The following TMC4 variants were observed in gnomAD, a reference collection of about 807,000 sequenced individuals.
TMC4 encodes voltage-gated chloride channel TMC4.
TMC4 carries 70 observed loss-of-function variants against 82.0 expected under a neutral mutation model. That is an observed-to-expected ratio of 0.85 (90% CI 0.70 to 1.04). The LOEUF (loss-of-function observed/expected upper bound fraction) is 1.04, where lower values mean the gene tolerates loss of function less well. TMC4 is among the 50% of genes least tolerant of loss of function. TMC4 has a pLI of 0.00. For missense variants in TMC4, 879 were observed against 899.0 expected (o/e 0.98, Z 0.28); for synonymous variants, 446 against 406.0 (o/e 1.10, Z -1.18).
Position 54,173,156 on chromosome 19 carries a change from A to G in TMC4, c.-39T>C, listed in dbSNP as rs1441647156. On this transcript the variant is annotated 5_prime_UTR_variant, in exon 1 of 15. Transcript: ENST00000619895. ...GCTGTCTCTAGTGGCCACCAGGCAG[A>G]CACTGCCCCAGGTAAGGGAGGGGCC... 1.9e-6 allele frequency: 3 copies of G among 1,599,260 alleles called. No individual in the cohort carries two copies. Among genetic ancestry groups the G allele is most frequent in the Non-Finnish European group, 2.6e-6 (3 of 1,168,022 alleles).
rs867026557 is a variant in TMC4 at position 54,161,167 on chromosome 19, C to T, written c.1780G>A (p.Ala594Thr). 1 of 1,592,028 alleles carries T rather than the reference C, an allele frequency of 6.3e-7. No individual in the cohort carries two copies. Among genetic ancestry groups the T allele is most frequent in the Non-Finnish European group, 8.5e-7 (1 of 1,171,106 alleles). Reference protein sequence around the residue: ...FFPLVLLLGLAISSVPLLYSI... With the variant: ...FFPLVLLLGLTISSVPLLYSI... Reference sequence around the variant, plus strand: ...TAAAGCAGGGGAACGCTGGAGATGGCCAGACCCAGGAGAAGGACCAAGGGG... The same window carrying T: ...TAAAGCAGGGGAACGCTGGAGATGGTCAGACCCAGGAGAAGGACCAAGGGG... Residue 594 changes from alanine (A) to threonine (T), a missense_variant, in exon 12 of 15, where the codon GCC (alanine) becomes ACC (threonine). Physicochemically the swap from Ala to Thr is moderately conservative, Grantham distance 58. Coordinates refer to ENST00000619895, the MANE Select transcript of TMC4 (RefSeq NM_144686.4).
intron 5 of TMC4, among the ~76,000 whole-genome samples, chr19:54,165,885 CAG>C (rs1372622933): frequency 6.6e-6 from 1 of 151,880 alleles, no homozygotes; most frequent in African/African-American, 2.4e-5. Flanking sequence ...CTGAGGAAGA[CAG>C]AGATGTGGAG....
At chr19:54,161,753 G>C (rs2075560704) in intron 11 of TMC4, among the ~76,000 whole-genome samples, 1 of 152,058 alleles carries the variant, frequency 6.6e-6, no homozygotes, top group South Asian at 2.1e-4. Flanking sequence ...TGTTAGCCAG[G>C]CTGGTCTCAA....
At chr19:54,162,386 T>TTGGGGGGGG in intron 10 of TMC4, 101 bp from the exon 11 acceptor site, 1 of 350,858 alleles carries the variant, frequency 2.9e-6, no homozygotes, top group Non-Finnish European at 4.9e-6. Context: ...TGCGTATTGG[T>TTGGGGGGGG]GGTGGGGGGG....
intron 2 of TMC4, among the ~76,000 whole-genome samples, chr19:54,171,131 TGGAGTCCCGCTCTATCACCCAGGCC>T (rs2075878124): frequency 3.4e-5 from 1 of 29,344 alleles, no homozygotes; most frequent in Admixed American, 4.1e-4. Context: ...ATATTTGAGA[TGGAGTCCCGCTCTATCACCCAGGCC>T]GGAGTCCAAT....
intron 10 of TMC4, 52 bp from the exon 11 acceptor site, chr19:54,162,337 T>C: frequency 7.7e-7 from 1 of 1,303,880 alleles, no homozygotes; most frequent in Non-Finnish European, 9.8e-7. Context: ...CGGCCTGGAG[T>C]TTCCACGCCT....
At position 54,168,682 on chromosome 19, in the gene TMC4, T is replaced by G. The variant is rs2075768564; in HGVS notation, c.443-2A>C. The G allele has an allele frequency of 6.6e-7, 1 of 1,520,766 alleles. No homozygotes were observed. The highest frequency in any genetic ancestry group is 1.3e-5 in the South Asian group (1 of 78,514). The allele number at this position is 1,520,766 out of a possible 1,614,324, so 94.2% of individuals were successfully genotyped here. A position where few individuals can be genotyped will look rare whatever the true frequency, so the allele number is the denominator to read the frequency against. ...ACTCCGTGCCGGCGCCAAACTGGCC[T>G]GCAGGGGGCAGCAGAGAGAGGCTCA... is the stretch of plus-strand genomic sequence containing the variant. On this transcript the variant is annotated splice_acceptor_variant, in intron 3 of 14. Transcript: ENST00000619895. LOFTEE classifies it high-confidence loss of function.
At position 54,163,974 on chromosome 19, in the gene TMC4, C is replaced by CT. The variant is rs1306733122; in HGVS notation, c.1114-88dup. 10,364 of 1,076,630 alleles carry CT rather than the reference C, an allele frequency of 9.6e-3. 207 individuals carry two copies. In the African/African-American group the frequency reaches 0.11, roughly 12 times the overall value. The allele number at this position is 1,076,630 out of a possible 1,614,324, so 66.7% of individuals were successfully genotyped here. The stretch of plus-strand genomic sequence containing the variant: ...CTCCCCCCGGCCTCTTCTTCTTCTT[C>CT]TTCTTTTTTTTTTTTTTTGAGACAG... On this transcript the variant is annotated intron_variant, in intron 7 of 14. Coordinates refer to ENST00000619895, the MANE Select transcript of TMC4 (RefSeq NM_144686.4).
At position 54,169,595 on chromosome 19, in the gene TMC4, C is replaced by G. The variant is rs773710360; in HGVS notation, c.359G>C (p.Arg120Pro). 1.2e-6 allele frequency: 2 copies of G among 1,613,972 alleles called. No homozygotes were observed. The highest frequency in any genetic ancestry group is 1.1e-5 in the South Asian group (1 of 91,082). The change falls in exon 3 of 15, where the codon CGG (arginine) becomes CCG (proline). Residue 120 changes from arginine (R) to proline (P), a missense_variant. Coordinates refer to ENST00000619895, the MANE Select transcript of TMC4 (RefSeq NM_144686.4). ...GSGTKTDRWA[R>P]LLRRSKEKTK... is the part of the protein sequence containing the mutation. ...TTTCTCCTTGGACCTCCGAAGTAGCCGCGCCCATCGGTCCGTCTTAGTTCC... is the reference window on the plus strand; with the variant it reads ...TTTCTCCTTGGACCTCCGAAGTAGCGGCGCCCATCGGTCCGTCTTAGTTCC...
rs550033169 is a variant in TMC4, at chr19:54,168,269, G to C, written c.699C>G (p.Leu233=). The C allele has an allele frequency of 1.9e-6, 3 of 1,556,282 alleles. No homozygotes were observed. The highest frequency in any genetic ancestry group is 2.6e-6 in the Non-Finnish European group (3 of 1,149,410). The change falls in exon 5 of 15, where the codon CTC becomes CTG. Residue 233 remains leucine (L), a synonymous_variant. Transcript: ENST00000619895. The part of the protein sequence containing the change: ...SGEGYLEWSP[L]FYGFYPPRPR... ...GGCGGGGCGGGTAGAAGCCATAGAAGAGAGGGGACCATTCCAGGTAACCCT... is the reference window on the plus strand; with the variant it reads ...GGCGGGGCGGGTAGAAGCCATAGAACAGAGGGGACCATTCCAGGTAACCCT...
At chr19:54,163,678 C>A in intron 8 of TMC4, 46 bp downstream of exon 8, 1 of 1,607,432 alleles carries the variant, frequency 6.2e-7, no homozygotes, top group South Asian at 1.1e-5. Context: ...TCCCTCTGAC[C>A]GCCCCCACCC....
chr19:54,168,752 G>A (rs1459559456), intron 3 of TMC4, 72 bp from the exon 4 acceptor site: 2 of 904,518 alleles, frequency 2.2e-6, no homozygotes, highest in Non-Finnish European at 3.0e-6. Context: ...CCCCTGGACT[G>A]GGGTCCAGCC....
chr19:54,166,323 CAAAA>C (rs58329832), intron 5 of TMC4, among the ~76,000 whole-genome samples: 1 of 108,028 alleles, frequency 9.3e-6, no homozygotes, highest in Non-Finnish European at 1.9e-5. Flanking sequence ...AGGTCGCCTC[CAAAA>C]AAAAAAAAAA....
intron 6 of TMC4, among the ~76,000 whole-genome samples, 164 bp downstream of exon 6, chr19:54,165,255 C>T (rs1392099612): frequency 6.6e-6 from 1 of 152,010 alleles, no homozygotes; most frequent in Non-Finnish European, 1.5e-5. Flanking sequence ...AGCCCTATCT[C>T]GGCCTCCTCT....
At position 54,165,562 on chromosome 19, in the gene TMC4, C is replaced by G. The variant is rs765150409; in HGVS notation, c.802G>C (p.Val268Leu). ...AGCAGTGTCTGCTTCAGCCCAGACA[C>G]CGAGCTGAGAGGGGAGACCCGGGAG... is the stretch of plus-strand genomic sequence containing the variant. ...ICLLLILHRS[V>L]SGLKQTLLAE... is the part of the protein sequence containing the mutation. The change falls in exon 6 of 15, where the codon GTG becomes CTG. Residue 268 changes from valine (V) to leucine (L), a missense_variant. Val to Leu is a conservative substitution (Grantham distance 32). Coordinates refer to ENST00000619895, the MANE Select transcript of TMC4 (RefSeq NM_144686.4). The G allele has an allele frequency of 1.2e-6, 2 of 1,600,792 alleles. No individual in the cohort carries two copies.
At chr19:54,167,926 G>GGTGGCGGGCGCC (rs2075744251) in intron 5 of TMC4, among the ~76,000 whole-genome samples, 1 of 152,020 alleles carries the variant, frequency 6.6e-6, no homozygotes, top group Non-Finnish European at 1.5e-5. Flanking sequence ...AGCTGGGCGT[G>GGTGGCGGGCGCC]GTGGCGGGCG....
intron 10 of TMC4, 115 bp from the exon 11 acceptor site, chr19:54,162,400 G>C (rs1176429240): frequency 2.5e-6 from 2 of 796,852 alleles, no homozygotes. Flanking sequence ...GGGGGGGGGG[G>C]GGGCGGGACT....
Position 54,163,092 on chromosome 19 carries a change from C to T in TMC4, c.1345G>A (p.Gly449Arg), listed in dbSNP as rs1442963531. 3.1e-6 allele frequency: 5 copies of T among 1,613,904 alleles called. No homozygotes were observed. In the African/African-American group the frequency reaches 5.3e-5, roughly 17 times the overall value. The change falls in exon 9 of 15, where the codon GGG becomes AGG. Residue 449 changes from glycine (G) to arginine (R), a missense_variant. By Grantham distance (125) the Gly-to-Arg change is moderately radical. Transcript: ENST00000619895. ...LFSLWNQITCGGDSEAEDCKT... is the reference protein window; with the variant it reads ...LFSLWNQITCRGDSEAEDCKT... ...CAGTCCTCAGCCTCGGAGTCGCCCCCACAAGTGATCTGATTCCAGAGAGAG... is the reference window on the plus strand; with the variant it reads ...CAGTCCTCAGCCTCGGAGTCGCCCCTACAAGTGATCTGATTCCAGAGAGAG...
chr19:54,172,427 G>T lies in TMC4; in HGVS notation c.80-344C>A, dbSNP rs7245906. On this transcript the variant is annotated intron_variant, in intron 1 of 14. Coordinates refer to ENST00000619895, the MANE Select transcript of TMC4 (RefSeq NM_144686.4). ...AGACCCAGGAGAACAGGCCCCCGGCGCCTCCTCCCTCAGACCCAGGAGTCC... is the reference window on the plus strand; with the variant it reads ...AGACCCAGGAGAACAGGCCCCCGGCTCCTCCTCCCTCAGACCCAGGAGTCC... Among the ~76,000 whole-genome samples, 10 of 4,946 alleles carry T rather than the reference G, an allele frequency of 2.0e-3. 1 individual carries two copies. The highest frequency in any genetic ancestry group is 8.3e-3 in the South Asian group (1 of 120). The allele number at this position is 4,946 out of a possible 152,430, so 3.2% of individuals were successfully genotyped here.
Sources: allele counts gnomAD v4.1 joint callset (sites outside exome capture counted in the v4.1 genomes callset), GRCh38; gene constraint gnomAD v4.1.1; transcripts MANE v1.5; gene names NCBI Gene and HGNC (gene_info 2026-07-23, HGNC 2026-07-21).